Variants in RRAGD observed in about 807,000 individuals in gnomAD.
The protein encoded by RRAGD is ras-related GTP-binding protein D.
In RRAGD, 12 loss-of-function variants were observed where a neutral mutation model predicts 35.5. That is an observed-to-expected ratio of 0.34 (90% CI 0.22 to 0.55). The LOEUF (loss-of-function observed/expected upper bound fraction) is 0.55, where lower values mean the gene tolerates loss of function less well. Ranked by LOEUF, RRAGD falls within the 20% of genes least tolerant of loss-of-function variation. The pLI, the probability that RRAGD is intolerant of heterozygous loss-of-function variation, is 0.91. For missense variants in RRAGD, 324 were observed against 490.1 expected (o/e 0.66, Z 3.20); for synonymous variants, 155 against 178.9 (o/e 0.87, Z 1.07).
At position 89,411,356 on chromosome 6, in the gene RRAGD, G is replaced by A. The variant is rs1469113235; in HGVS notation, c.148+490C>T. 2 of 152,620 alleles carry A rather than the reference G, an allele frequency of 1.3e-5. No homozygotes were observed. The highest frequency in any genetic ancestry group is 4.8e-5 in the African/African-American group (2 of 41,472). The allele number at this position is 152,620 out of a possible 1,614,324, so 9.5% of individuals were successfully genotyped here. A position where few individuals can be genotyped will look rare whatever the true frequency, so the allele number is the denominator to read the frequency against. ...TACCTGGGTGGGCCCCTCCCGCGGC[G>A]ACGCGGGGCGAGACTGACACCCGCA... is the stretch of plus-strand genomic sequence containing the variant. On this transcript the variant is annotated intron_variant, in intron 1 of 6. Transcript: ENST00000369415. The surrounding 1 kb of genome is among the most constrained non-coding windows in gnomAD (Gnocchi z 5.6).
At chr6:89,371,679 G>A (rs750171011) in intron 6 of RRAGD, among the ~76,000 whole-genome samples, 1 of 152,060 alleles carries the variant, frequency 6.6e-6, no homozygotes, top group Non-Finnish European at 1.5e-5. Context: ...AACATATTCA[G>A]GATATGTAAC....
intron 1 of RRAGD, among the ~76,000 whole-genome samples, chr6:89,403,627 C>CTTTT (rs10715442): frequency 5.2e-5 from 6 of 116,492 alleles, no homozygotes; most frequent in African/African-American, 1.0e-4. Flanking sequence ...TTTTCTTTTT[C>CTTTT]TTTTTTTTTT....
intron 1 of RRAGD, among the ~76,000 whole-genome samples, chr6:89,394,961 T>TGAAATG (rs1769305513): frequency 1.3e-5 from 2 of 152,050 alleles, no homozygotes; most frequent in Non-Finnish European, 2.9e-5. Flanking sequence ...TGAGGGACAC[T>TGAAATG]GAAATGGGAA....
intron 1 of RRAGD, among the ~76,000 whole-genome samples, chr6:89,388,372 A>T (rs1430900509): frequency 6.6e-6 from 1 of 152,146 alleles, no homozygotes; most frequent in Non-Finnish European, 1.5e-5. Flanking sequence ...ATGGGTATGT[A>T]GTTTCAGCTG....
chr6:89,391,706 A>T (rs1196011303), intron 1 of RRAGD, among the ~76,000 whole-genome samples: 1 of 152,086 alleles, frequency 6.6e-6, no homozygotes, highest in Non-Finnish European at 1.5e-5. Context: ...TAATCATAGC[A>T]CTTTGGGAGG....
At chr6:89,372,287 C>A in intron 6 of RRAGD, 150 bp downstream of exon 6, 1 of 848,560 alleles carries the variant, frequency 1.2e-6, no homozygotes, top group Middle Eastern at 3.6e-4. Context: ...GAGCCCGCCC[C>A]GCTCTGAACT....
chr6:89,392,829 T>C (rs540401039), intron 1 of RRAGD, among the ~76,000 whole-genome samples: 4 of 152,332 alleles, frequency 2.6e-5, no homozygotes, highest in East Asian at 1.9e-4. Flanking sequence ...CAGATGTGCA[T>C]AGATATTACT....
At chr6:89,378,928 G>A (rs1768994724) in intron 4 of RRAGD, among the ~76,000 whole-genome samples, 1 of 151,372 alleles carries the variant, frequency 6.6e-6, no homozygotes, top group Non-Finnish European at 1.5e-5. Context: ...CACCTGGCTA[G>A]TTTTTACATT....
intron 1 of RRAGD, among the ~76,000 whole-genome samples, chr6:89,406,695 C>T (rs1769585951): frequency 1.3e-5 from 2 of 152,160 alleles, no homozygotes; most frequent in African/African-American, 2.4e-5. Flanking sequence ...TACACCAAGG[C>T]AAGAACCCAG....
intron 1 of RRAGD, among the ~76,000 whole-genome samples, chr6:89,405,186 T>TA (rs771730339): frequency 6.6e-6 from 1 of 150,502 alleles, no homozygotes; most frequent in African/African-American, 2.4e-5. Context: ...CCGTCTCTAC[T>TA]AAAAAAAATA....
chr6:89,365,702 A>ATCATTTGC lies in RRAGD; in HGVS notation c.*2346_*2353dup, dbSNP rs1768729629. On this transcript the variant is annotated 3_prime_UTR_variant, in exon 7 of 7. Transcript: ENST00000369415. ...ATTATTTTTGCCTTTCCCCCAAAGAATCATTTGCTCTTGAAGTAATAGGCT... is the reference window on the plus strand; with the variant it reads ...ATTATTTTTGCCTTTCCCCCAAAGAATCATTTGCTCATTTGCTCTTGAAGTAATAGGCT... 6.6e-6 allele frequency: 1 copy of ATCATTTGC among 152,200 alleles called. No homozygotes were observed. Among genetic ancestry groups the ATCATTTGC allele is most frequent in the Non-Finnish European group, 1.5e-5 (1 of 68,040 alleles). The allele number at this position is 152,200 out of a possible 1,614,324, so 9.4% of individuals were successfully genotyped here.
At chr6:89,408,094 G>A (rs1369928831) in intron 1 of RRAGD, among the ~76,000 whole-genome samples, 1 of 152,094 alleles carries the variant, frequency 6.6e-6, no homozygotes, top group Non-Finnish European at 1.5e-5. Context: ...TATTTCCAGG[G>A]CCAGAAGGAA....
At chr6:89,372,699 C>T in intron 5 of RRAGD, 114 bp from the exon 6 acceptor site, 1 of 1,049,872 alleles carries the variant, frequency 9.5e-7, no homozygotes, top group East Asian at 2.6e-5. Flanking sequence ...AAGTTGTTTA[C>T]ACTTGCAGTG....
chr6:89,369,795 G>A (rs759234019), intron 6 of RRAGD, among the ~76,000 whole-genome samples: 3 of 152,206 alleles, frequency 2.0e-5, no homozygotes, highest in Non-Finnish European at 4.4e-5. Flanking sequence ...TTAAGTAAAA[G>A]TTCACAACTG....
In RRAGD at chr6:89,365,661, G is replaced by A. The variant is rs1768728198; in HGVS notation, c.*2395C>T. ...GAGTACACTTACTACCATGAACTTG[G>A]GCCCTATGTCATAGAATTATTTTTG... On this transcript the variant is annotated 3_prime_UTR_variant, in exon 7 of 7. Transcript: ENST00000369415. 1 of 152,090 alleles carries A rather than the reference G, an allele frequency of 6.6e-6. No individual in the cohort carries two copies. Among genetic ancestry groups the A allele is most frequent in the Admixed American group, 6.6e-5 (1 of 15,260 alleles). 9.4% of individuals were successfully genotyped at this position (152,090 alleles called of 1,614,324 possible).
chr6:89,396,260 AT>A lies in RRAGD; in HGVS notation c.149-8671del, dbSNP rs546991216. The stretch of plus-strand genomic sequence containing the variant: ...AAGACAGCAGCAACTCTCAAAAAAA[AT>A]AATAAAGTAAAAGAAAAACATCAAA... On this transcript the variant is annotated intron_variant, in intron 1 of 6. Coordinates refer to ENST00000369415, the MANE Select transcript of RRAGD (RefSeq NM_021244.5). Among the ~76,000 whole-genome samples, 84 of 152,290 alleles carry A rather than the reference AT, an allele frequency of 5.5e-4. 1 individual carries two copies. The highest frequency in any genetic ancestry group is 5.0e-3 in the Admixed American group (76 of 15,292).
chr6:89,405,400 G>A (rs1350177875), intron 1 of RRAGD, among the ~76,000 whole-genome samples: 2 of 150,256 alleles, frequency 1.3e-5, no homozygotes, highest in African/African-American at 2.5e-5. Flanking sequence ...GCGAAGTGAT[G>A]GCAAATGGAA....
chr6:89,400,745 A>G (rs1769444004), intron 1 of RRAGD, among the ~76,000 whole-genome samples: 1 of 152,116 alleles, frequency 6.6e-6, no homozygotes, highest in African/African-American at 2.4e-5. Flanking sequence ...TTTCTCCACC[A>G]ACACCTCCCT....
chr6:89,397,313 C>G lies in RRAGD; in HGVS notation c.149-9723G>C, dbSNP rs1366046743. On this transcript the variant is annotated intron_variant, in intron 1 of 6. Coordinates refer to ENST00000369415, the MANE Select transcript of RRAGD (RefSeq NM_021244.5). Reference sequence around the variant, plus strand: ...TGTAAAATGATACTATTTTGGAAAACAGTTTGGTGGTTTCTTAAGAAGTTG... The same window carrying G: ...TGTAAAATGATACTATTTTGGAAAAGAGTTTGGTGGTTTCTTAAGAAGTTG... Among the ~76,000 whole-genome samples, 3 of 152,110 alleles carry G rather than the reference C, an allele frequency of 2.0e-5. No homozygotes were observed. In the South Asian group the frequency reaches 6.2e-4, roughly 31 times the overall value.
Sources: allele counts gnomAD v4.1 joint callset (sites outside exome capture counted in the v4.1 genomes callset), GRCh38; gene constraint gnomAD v4.1.1; non-coding constraint Gnocchi (gnomAD v3.1); transcripts MANE v1.5; gene names NCBI Gene and HGNC (gene_info 2026-07-23, HGNC 2026-07-21).